USP42: variants seen among roughly 807,000 people sequenced by gnomAD.
The protein encoded by USP42 is ubiquitin carboxyl-terminal hydrolase 42.
Under a neutral mutation model 113.0 loss-of-function variants are expected in USP42, and 23 were observed. The ratio of observed to expected loss-of-function variants is 0.20; its 90% CI spans 0.15 to 0.29. The LOEUF is 0.29. Among genes scored for constraint, USP42 ranks in the 10% least tolerant of loss-of-function variants. The pLI, the probability that USP42 is intolerant of heterozygous loss-of-function variation, is 1.00. For missense variants in USP42, 2,174 were observed against 1,779.8 expected, an observed-to-expected ratio of 1.22 and a Z score of -3.99; for synonymous variants, 933 against 699.0, an observed-to-expected ratio of 1.33 and a Z score of -5.28.
chr7:6,091,231 C>A, the USP42 span, among the ~76,000 whole-genome samples: 1 of 150,646 alleles, frequency 6.6e-6, no homozygotes, highest in Non-Finnish European at 1.5e-5. Flanking sequence ...CTTCTCTTTT[C>A]TTTTCTTTTT....
chr7:6,136,001 A>AATT, intron 4 of USP42, 50 bp downstream of exon 4: 6 of 917,216 alleles, frequency 6.5e-6, no homozygotes, highest in Non-Finnish European at 7.5e-6. Flanking sequence ...ACCTAGTTAT[A>AATT]CTTTTTTTTT....
rs1177729914 is a variant in USP42, at chr7:6,160,948, T to TAAAG, written c.*432_*435dup. On this transcript the variant is annotated 3_prime_UTR_variant, in exon 18 of 18. Coordinates refer to ENST00000306177, the MANE Select transcript of USP42 (RefSeq NM_032172.3). ...AAACTGACAGTGTGTATATTTAATTTAAAGACTTATTTAAAAACTCACAAG... is the reference window on the plus strand; with the variant it reads ...AAACTGACAGTGTGTATATTTAATTTAAAGAAAGACTTATTTAAAAACTCACAAG... 1.3e-5 allele frequency: 2 copies of TAAAG among 152,688 alleles called. No individual in the cohort carries two copies. Among genetic ancestry groups the TAAAG allele is most frequent in the South Asian group, 2.1e-4 (1 of 4,834 alleles). 9.5% of individuals were successfully genotyped at this position (152,688 alleles called of 1,614,324 possible). A position where few individuals can be genotyped will look rare whatever the true frequency, so the allele number is the denominator to read the frequency against.
At chr7:6,098,501 T>C in the USP42 span, among the ~76,000 whole-genome samples, 2 of 150,284 alleles carry the variant, frequency 1.3e-5, no homozygotes, top group African/African-American at 4.9e-5. Context: ...TGGTGATTTA[T>C]CTGGTGGCCA....
At position 6,121,390 on chromosome 7, in the gene USP42, T is replaced by G. The variant is rs576919408; in HGVS notation, c.442+5867T>G. 1.8e-3 allele frequency among the ~76,000 whole-genome samples: 272 copies of G among 152,346 alleles called. 3 individuals carry two copies. The highest frequency in any genetic ancestry group is 3.0e-3 in the Non-Finnish European group (206 of 68,024). ...CATGATGCATTATTCTATGTATTAC[T>G]GGCTTTGATTTGCTAAAATTGTAAA... On this transcript the variant is annotated intron_variant, in intron 3 of 17. Transcript: ENST00000306177.
intron 2 of USP42, 47 bp from the exon 3 acceptor site, chr7:6,115,276 C>T (rs753671427): frequency 1.3e-5 from 20 of 1,577,930 alleles, no homozygotes; most frequent in East Asian, 2.2e-5. Flanking sequence ...TATTTAGCTT[C>T]AGTATGCAAA....
At chr7:6,108,781 A>G (rs111846810) in intron 1 of USP42, among the ~76,000 whole-genome samples, 2 of 152,188 alleles carry the variant, frequency 1.3e-5, no homozygotes, top group African/African-American at 4.8e-5. Flanking sequence ...GCCCAGCCTC[A>G]ATATTAAAAA....
At chr7:6,118,819 C>T (rs1274212710) in intron 3 of USP42, among the ~76,000 whole-genome samples, 1 of 152,142 alleles carries the variant, frequency 6.6e-6, no homozygotes, top group Non-Finnish European at 1.5e-5. Context: ...GAAAAAAAAT[C>T]AGTAAGCCAT....
chr7:6,147,818 A>C lies in USP42; in HGVS notation c.1312A>C (p.Ser438Arg), dbSNP rs1013915939. The C allele has an allele frequency of 2.5e-6, 4 of 1,613,662 alleles. No homozygotes were observed. Among genetic ancestry groups the C allele is most frequent in the Non-Finnish European group, 3.4e-6 (4 of 1,179,708 alleles). Residue 438 changes from serine (S) to arginine (R), a missense_variant, in exon 12 of 18, where the codon AGT (serine) becomes CGT (arginine). Coordinates refer to ENST00000306177, the MANE Select transcript of USP42 (RefSeq NM_032172.3). ...PGQSSPRPVI[S>R]QRVVTNKQAA... ...CCAGTCCTCTCCCCGCCCCGTCATC[A>C]GTCAGCGGGTTGTCACCAACAAACA...
At chr7:6,081,249 T>A in the USP42 span, 10 of 152,204 alleles carry the variant, frequency 6.6e-5, no homozygotes, top group Admixed American at 2.0e-4. Context: ...CTGTCGGTGC[T>A]AGCGTTCAGC....
At chr7:6,082,905 C>T in the USP42 span, among the ~76,000 whole-genome samples, 2 of 148,064 alleles carry the variant, frequency 1.4e-5, no homozygotes, top group African/African-American at 5.0e-5. Context: ...GCCACTGCGC[C>T]TGTGTCTCTA....
Position 6,147,607 on chromosome 7 carries a change from C to T in USP42, c.1233-132C>T, listed in dbSNP as rs1781788190. On this transcript the variant is annotated intron_variant, in intron 11 of 17. Coordinates refer to ENST00000306177, the MANE Select transcript of USP42 (RefSeq NM_032172.3). ...AGGAGGGGATGTGTATAGCTCCATACTGTGTAGCATAAACATGCTATTTTT... is the reference window on the plus strand; with the variant it reads ...AGGAGGGGATGTGTATAGCTCCATATTGTGTAGCATAAACATGCTATTTTT... The T allele has an allele frequency of 3.1e-6, 3 of 976,680 alleles. No individual in the cohort carries two copies. The East Asian group carries it at 8.5e-5, about 28-fold the overall frequency. The allele number at this position is 976,680 out of a possible 1,614,324, so 60.5% of individuals were successfully genotyped here.
chr7:6,152,459 C>T (rs1782126096), intron 14 of USP42, among the ~76,000 whole-genome samples: 2 of 152,230 alleles, frequency 1.3e-5, no homozygotes, highest in Non-Finnish European at 2.9e-5. Context: ...GCTGTTCATG[C>T]TGGCGGGGCT....
At chr7:6,113,538 G>A (rs1779714378) in intron 2 of USP42, among the ~76,000 whole-genome samples, 1 of 152,042 alleles carries the variant, frequency 6.6e-6, no homozygotes, top group South Asian at 2.1e-4. Context: ...GCCTGCCTAC[G>A]CCTGCCTAAA....
rs766433017 is a variant in USP42, at chr7:6,153,880, C to G, written c.2326C>G (p.Pro776Ala). Residue 776 changes from proline to alanine, a missense_variant, in exon 15 of 18, where the codon CCG (proline) becomes GCG (alanine). Pro to Ala is a conservative substitution (Grantham distance 27). Coordinates refer to ENST00000306177, the MANE Select transcript of USP42 (RefSeq NM_032172.3). The part of the protein sequence containing the change: ...AAGLSSTKKA[P>A]PPRDPGTPAT... ...CGGCCTCAGCAGCACCAAGAAGGCT[C>G]CGCCGCCCCGCGATCCCGGCACCCC... is the stretch of plus-strand genomic sequence containing the variant. The G allele has an allele frequency of 2.6e-6, 4 of 1,564,680 alleles. No homozygotes were observed. Among genetic ancestry groups the G allele is most frequent in the Non-Finnish European group, 2.6e-6 (3 of 1,156,896 alleles).
At chr7:6,120,052 G>A (rs180981494) in intron 3 of USP42, among the ~76,000 whole-genome samples, 2 of 152,198 alleles carry the variant, frequency 1.3e-5, no homozygotes, top group Admixed American at 6.5e-5. Flanking sequence ...TGCAACCTAC[G>A]CCCCCGGGTT....
upstream of USP42, among the ~76,000 whole-genome samples, chr7:6,100,516 G>A (rs1790089166): frequency 6.6e-6 from 1 of 150,378 alleles, no homozygotes; most frequent in Non-Finnish European, 1.5e-5. Context: ...TTTTAGTAGA[G>A]ACGGGGTTTC....
In USP42 at chr7:6,147,633, T is replaced by C. The variant is rs186078404; in HGVS notation, c.1233-106T>C. ...TGTGTAGCATAAACATGCTATTTTT[T>C]TCATCAGGTTTCCGCCTGAGGGGTT... On this transcript the variant is annotated intron_variant, in intron 11 of 17. Coordinates refer to ENST00000306177, the MANE Select transcript of USP42 (RefSeq NM_032172.3). 1.8e-3 allele frequency: 2,397 copies of C among 1,322,494 alleles called. 12 individuals carry two copies. Among genetic ancestry groups the C allele is most frequent in the Middle Eastern group, 0.011 (58 of 5,174 alleles). The allele number at this position is 1,322,494 out of a possible 1,614,324, so 81.9% of individuals were successfully genotyped here.
At chr7:6,099,535 G>A in the USP42 span, among the ~76,000 whole-genome samples, 1 of 150,170 alleles carries the variant, frequency 6.7e-6, no homozygotes, top group East Asian at 2.0e-4. Context: ...TTTTAGTAGA[G>A]ATGGGGTTCA....
chr7:6,116,869 C>T (rs748983897), intron 3 of USP42: 5 of 532,570 alleles, frequency 9.4e-6, no homozygotes, highest in South Asian at 7.0e-5. Context: ...GATGAAAACC[C>T]AGCACTAGCA....
Sources: gnomAD v4.1 joint callset for allele counts (sites outside exome capture counted in the v4.1 genomes callset) on GRCh38, gnomAD v4.1.1 for gene constraint, MANE v1.5 for transcripts, NCBI Gene and HGNC (gene_info 2026-07-23, HGNC 2026-07-21) for gene names.